Variants in ARHGAP44 observed in about 807,000 individuals in gnomAD.
The protein encoded by ARHGAP44 is Rho GTPase activating protein 44, also known as rho GTPase-activating protein 44.
A neutral mutation model predicts 106.8 loss-of-function variants in ARHGAP44; 43 were observed. The observed-to-expected ratio is 0.40, with a 90% CI of 0.32 to 0.52. The LOEUF (loss-of-function observed/expected upper bound fraction) is 0.52, where lower values mean the gene tolerates loss of function less well. Ranked by LOEUF, ARHGAP44 falls within the 20% of genes least tolerant of loss-of-function variation. The pLI is 0.48. For synonymous variants in ARHGAP44, 439 were observed against 410.3 expected (o/e 1.07, Z -0.85); for missense variants, 866 against 1,050.5 (o/e 0.82, Z 2.43).
chr17:12,987,143 G>A, intron 20 of ARHGAP44: 4 of 1,534,194 alleles, frequency 2.6e-6, no homozygotes, highest in Non-Finnish European at 3.5e-6. Flanking sequence ...GTGTGAGGGG[G>A]ATTTTCAGGG....
At chr17:12,851,976 C>T (rs1192199964) in intron 1 of ARHGAP44, among the ~76,000 whole-genome samples, 1 of 151,376 alleles carries the variant, frequency 6.6e-6, no homozygotes, top group East Asian at 2.0e-4. Context: ...TTTCCTTGTG[C>T]TGTCTTTATT....
intron 5 of ARHGAP44, among the ~76,000 whole-genome samples, chr17:12,917,846 G>A (rs2037963007): frequency 6.6e-6 from 1 of 152,072 alleles, no homozygotes; most frequent in Non-Finnish European, 1.5e-5. Flanking sequence ...GAATTTCATA[G>A]CTACGTGCGG....
At chr17:12,804,180 T>A (rs1208952511) in intron 1 of ARHGAP44, among the ~76,000 whole-genome samples, 1 of 152,190 alleles carries the variant, frequency 6.6e-6, no homozygotes, top group Non-Finnish European at 1.5e-5. Flanking sequence ...GCCTCCACGT[T>A]CACAAACCAA....
chr17:12,963,228 T>C (rs1308965239), intron 16 of ARHGAP44, among the ~76,000 whole-genome samples: 1 of 152,086 alleles, frequency 6.6e-6, no homozygotes, highest in Non-Finnish European at 1.5e-5. Flanking sequence ...ATCTGATTGC[T>C]TTCCCTTCGA....
At chr17:12,858,676 T>C (rs2035979100) in intron 1 of ARHGAP44, among the ~76,000 whole-genome samples, 1 of 152,156 alleles carries the variant, frequency 6.6e-6, no homozygotes, top group Non-Finnish European at 1.5e-5. Context: ...GGATGTGAGC[T>C]TATTTGGAAA....
At chr17:12,832,502 A>T (rs2035119545) in intron 1 of ARHGAP44, among the ~76,000 whole-genome samples, 1 of 152,184 alleles carries the variant, frequency 6.6e-6, no homozygotes, top group Admixed American at 6.5e-5. Context: ...CTGAGCCATA[A>T]CTTCTAACCT....
intron 1 of ARHGAP44, among the ~76,000 whole-genome samples, chr17:12,849,592 T>TTTTTTTTTTTTTTTTTTTTTTTTC (rs1555547004): frequency 7.3e-6 from 1 of 137,336 alleles, no homozygotes; most frequent in Non-Finnish European, 1.5e-5. Flanking sequence ...TTTTTTTTTT[T>TTTTTTTTTTTTTTTTTTTTTTTTC]TTGCTTGGCT....
intron 1 of ARHGAP44, among the ~76,000 whole-genome samples, chr17:12,850,157 A>G (rs1268063118): frequency 6.6e-6 from 1 of 152,208 alleles, no homozygotes; most frequent in African/African-American, 2.4e-5. Context: ...AAACTCAGAG[A>G]ACATTTTCCA....
chr17:12,908,191 CTTT>C (rs1228178926), intron 3 of ARHGAP44, among the ~76,000 whole-genome samples: 2 of 95,606 alleles, frequency 2.1e-5, no homozygotes, highest in Non-Finnish European at 4.1e-5. Flanking sequence ...TGCCTCATTT[CTTT>C]TTTTTTTTTT....
Position 12,949,040 on chromosome 17 carries a change from T to C in ARHGAP44, c.862-100T>C. On this transcript the variant is annotated intron_variant, in intron 10 of 20. Transcript: ENST00000379672. This position sits in a 1 kb window ranked among gnomAD's most constrained non-coding sequence, Gnocchi z 4.1. ...GGAGATGGTGTTGGGCAAATGCATG[T>C]AAGAGGTTTTGGAGAAAAGAAGCAG... 8.6e-7 allele frequency: 1 copy of C among 1,163,200 alleles called. No homozygotes were observed. Among genetic ancestry groups the C allele is most frequent in the Non-Finnish European group, 1.2e-6 (1 of 807,132 alleles). The allele number at this position is 1,163,200 out of a possible 1,614,324, so 72.1% of individuals were successfully genotyped here.
chr17:12,802,016 A>G lies in ARHGAP44; in HGVS notation c.53+12125A>G, dbSNP rs532882280. On this transcript the variant is annotated intron_variant, in intron 1 of 20. Coordinates refer to ENST00000379672, the MANE Select transcript of ARHGAP44 (RefSeq NM_014859.6). The stretch of plus-strand genomic sequence containing the variant: ...TACAAATATGTTTCCAGTTGCCTTG[A>G]CTCCTGGTTTTAAATGTGAGAAATC... 1.3e-3 allele frequency among the ~76,000 whole-genome samples: 198 copies of G among 152,074 alleles called. 1 individual carries two copies. Among genetic ancestry groups the G allele is most frequent in the African/African-American group, 4.3e-3 (177 of 41,468 alleles).
At chr17:12,922,397 A>G (rs1253956677) in intron 6 of ARHGAP44, among the ~76,000 whole-genome samples, 10 of 152,204 alleles carry the variant, frequency 6.6e-5, no homozygotes, top group Admixed American at 5.9e-4. Context: ...GTAAAATTGC[A>G]TCCCATAATA....
At chr17:12,904,733 G>A (rs541676081) in intron 3 of ARHGAP44, among the ~76,000 whole-genome samples, 2 of 152,284 alleles carry the variant, frequency 1.3e-5, no homozygotes, top group Admixed American at 1.3e-4. Context: ...AATACTAAAA[G>A]TAGACGCACA....
chr17:12,836,723 A>T (rs1249200539), intron 1 of ARHGAP44, among the ~76,000 whole-genome samples: 1 of 152,184 alleles, frequency 6.6e-6, no homozygotes, highest in Non-Finnish European at 1.5e-5. Flanking sequence ...TCAGAAACAC[A>T]CAATAATCCT....
rs373321971 is a variant in ARHGAP44 at position 12,990,085 on chromosome 17, C to T, written c.2371C>T (p.Arg791Cys). The change falls in exon 21 of 21, where the codon CGC becomes TGC. Residue 791 changes from arginine (R) to cysteine (C), a missense_variant. By Grantham distance (180) the Arg-to-Cys change is radical. Coordinates refer to ENST00000379672, the MANE Select transcript of ARHGAP44 (RefSeq NM_014859.6). ...CCACATAGAGCTCGGGTCGACGCTC[C>T]GCCTGAGTCCCCTGGAGCACATGCG... is the stretch of plus-strand genomic sequence containing the variant. ...SIHIELGSTL[R>C]LSPLEHMRRH... 5.7e-4 allele frequency: 921 copies of T among 1,612,958 alleles called. 15 individuals carry two copies. The South Asian group carries it at 9.2e-3, about 16-fold the overall frequency.
chr17:12,904,633 A>G (rs2037493555), intron 3 of ARHGAP44, among the ~76,000 whole-genome samples: 1 of 152,244 alleles, frequency 6.6e-6, no homozygotes, highest in Non-Finnish European at 1.5e-5. Context: ...AGGTAGTGAT[A>G]GGAAATGATA....
At chr17:12,940,398 A>G (rs1280862042) in intron 7 of ARHGAP44, among the ~76,000 whole-genome samples, 1 of 152,180 alleles carries the variant, frequency 6.6e-6, no homozygotes, top group Non-Finnish European at 1.5e-5. Context: ...TCCTTGGAGG[A>G]CAAAACATTC....
chr17:12,867,543 C>T (rs544841757), intron 1 of ARHGAP44, among the ~76,000 whole-genome samples: 211 of 152,308 alleles, frequency 1.4e-3, no homozygotes, highest in Admixed American at 2.9e-3. Context: ...GCATCACAGA[C>T]TTGCACCTTG....
intron 1 of ARHGAP44, among the ~76,000 whole-genome samples, chr17:12,862,230 A>G (rs2036107515): frequency 6.6e-6 from 1 of 152,036 alleles, no homozygotes. Context: ...GTGAGGGGAG[A>G]GTCTGCCAAA....
Sources: gnomAD v4.1 joint callset for allele counts (sites outside exome capture counted in the v4.1 genomes callset) on GRCh38, gnomAD v4.1.1 for gene constraint, Gnocchi (gnomAD v3.1) non-coding constraint, MANE v1.5 for transcripts, NCBI Gene and HGNC (gene_info 2026-07-23, HGNC 2026-07-21) for gene names.